Variants in UNC13C observed in about 807,000 individuals in gnomAD.
UNC13C encodes the protein protein unc-13 homolog C.
UNC13C carries 174 observed loss-of-function variants against 245.4 expected under a neutral mutation model. That is an observed-to-expected ratio of 0.71 (90% CI 0.63 to 0.80). The LOEUF is 0.80. UNC13C is among the 30% of genes least tolerant of loss of function. The probability of loss-of-function intolerance (pLI) is 0.00; values close to 1 mark genes in which losing one functional copy is unlikely to be tolerated. For missense variants in UNC13C, 2,829 were observed against 2,602.9 expected, an observed-to-expected ratio of 1.09 and a Z score of -1.89; for synonymous variants, 992 against 895.1, an observed-to-expected ratio of 1.11 and a Z score of -1.93.
chr15:53,964,695 A>G, the UNC13C span, among the ~76,000 whole-genome samples: 2 of 152,206 alleles, frequency 1.3e-5, no homozygotes, highest in East Asian at 3.9e-4. Context: ...CATGAAACAA[A>G]GACTATTAAA....
chr15:54,199,758 G>A (rs2034463502), intron 4 of UNC13C, among the ~76,000 whole-genome samples: 1 of 151,932 alleles, frequency 6.6e-6, no homozygotes, highest in South Asian at 2.1e-4. Flanking sequence ...AAATCTCACA[G>A]GACCTATATA....
intron 2 of UNC13C, among the ~76,000 whole-genome samples, chr15:54,125,235 A>G (rs2030957821): frequency 6.6e-6 from 1 of 152,248 alleles, no homozygotes; most frequent in African/African-American, 2.4e-5. Context: ...AGGCCATGGC[A>G]GGTGGATCGT....
the UNC13C span, among the ~76,000 whole-genome samples, chr15:53,961,925 C>A: frequency 6.6e-6 from 1 of 152,224 alleles, no homozygotes; most frequent in Non-Finnish European, 1.5e-5. Context: ...TCCTTCTCTA[C>A]TCTTCACTTA....
intron 2 of UNC13C, among the ~76,000 whole-genome samples, chr15:54,070,586 T>A (rs1173944448): frequency 6.6e-6 from 1 of 152,168 alleles, no homozygotes; most frequent in African/African-American, 2.4e-5. Flanking sequence ...TAGGTTTTTT[T>A]TAATCCTAAA....
chr15:54,103,409 T>C (rs1900267626), intron 2 of UNC13C, among the ~76,000 whole-genome samples: 1 of 152,244 alleles, frequency 6.6e-6, no homozygotes, highest in Non-Finnish European at 1.5e-5. Context: ...ACAGGATGAA[T>C]AATATTTCTT....
In UNC13C at chr15:54,013,725, C is replaced by T. The variant is rs776904764; in HGVS notation, c.822C>T (p.Ile274=). 14 of 1,612,578 alleles carry T rather than the reference C, an allele frequency of 8.7e-6. No individual in the cohort carries two copies. The Admixed American group carries it at 1.2e-4, about 13-fold the overall frequency. Residue 274 remains isoleucine, a synonymous_variant, in exon 2 of 33, where the codon ATC becomes ATT. Coordinates refer to ENST00000260323, the MANE Select transcript of UNC13C (RefSeq NM_001080534.3). The part of the protein sequence containing the change: ...RGHVNALKHS[I]DEISSSVEVV... ...ACGTCAATGCTCTCAAGCACTCCATCGATGAGATCTCCAGCAGTGTGGAGG... is the reference window on the plus strand; with the variant it reads ...ACGTCAATGCTCTCAAGCACTCCATTGATGAGATCTCCAGCAGTGTGGAGG...
chr15:54,096,842 A>G (rs1412894688), intron 2 of UNC13C, among the ~76,000 whole-genome samples: 1 of 152,178 alleles, frequency 6.6e-6, no homozygotes, highest in African/African-American at 2.4e-5. Flanking sequence ...CTCTATATGT[A>G]TGTATGTAAA....
chr15:54,631,902 A>G (rs1446784222), downstream of UNC13C: 1 of 152,344 alleles, frequency 6.6e-6, no homozygotes, highest in Admixed American at 6.5e-5. Context: ...TAACTTCATA[A>G]GGAACTTTCA....
chr15:54,187,789 T>G (rs988320089), intron 4 of UNC13C, among the ~76,000 whole-genome samples: 1 of 152,120 alleles, frequency 6.6e-6, no homozygotes, highest in African/African-American at 2.4e-5. Flanking sequence ...CTACCAGGAT[T>G]CACACTGTAT....
At chr15:54,214,304 T>C (rs533416787) in intron 4 of UNC13C, among the ~76,000 whole-genome samples, 7 of 152,038 alleles carry the variant, frequency 4.6e-5, no homozygotes, top group Non-Finnish European at 7.4e-5. Flanking sequence ...CGCTAGTCTT[T>C]AAAATGAGCA....
intron 19 of UNC13C, among the ~76,000 whole-genome samples, chr15:54,444,958 C>T (rs2140996142): frequency 8.4e-6 from 1 of 119,202 alleles, no homozygotes; most frequent in East Asian, 3.0e-4. Flanking sequence ...AATGCTATCC[C>T]TCCCCCCTCC....
the UNC13C span, among the ~76,000 whole-genome samples, chr15:53,861,076 T>A: frequency 8.7e-4 from 133 of 152,334 alleles, no homozygotes; most frequent in African/African-American, 2.9e-3. Context: ...TAGAATGACA[T>A]CATTCTGAAT....
At chr15:54,169,366 A>C (rs1357877547) in intron 4 of UNC13C, among the ~76,000 whole-genome samples, 1 of 152,118 alleles carries the variant, frequency 6.6e-6, no homozygotes, top group Non-Finnish European at 1.5e-5. Context: ...CCTCTTCCTA[A>C]ATATCGGATT....
intron 26 of UNC13C, among the ~76,000 whole-genome samples, chr15:54,539,303 T>C (rs1896133855): frequency 6.6e-6 from 1 of 151,936 alleles, no homozygotes; most frequent in Admixed American, 6.6e-5. Context: ...ATCTAGAAGA[T>C]AGGTATATAG....
At chr15:54,602,359 A>C (rs1899485709) in intron 30 of UNC13C, among the ~76,000 whole-genome samples, 1 of 152,212 alleles carries the variant, frequency 6.6e-6, no homozygotes, top group Non-Finnish European at 1.5e-5. Flanking sequence ...AGTGAGAACA[A>C]GAATAGGAAG....
chr15:54,332,058 A>G lies in UNC13C; in HGVS notation c.4441A>G (p.Lys1481Glu). Residue 1481 changes from lysine (K) to glutamate (E), a missense_variant, in exon 15 of 33, where the codon AAA becomes GAA. Transcript: ENST00000260323. Reference protein sequence around the residue: ...ATNFGREKFIKLLDQLHNSLR... With the variant: ...ATNFGREKFIELLDQLHNSLR... Reference sequence around the variant, plus strand: ...CTTTGTACAGAGGGAAAAATTCATAAAACTACTGGACCAGTTACATAACTC... The same window carrying G: ...CTTTGTACAGAGGGAAAAATTCATAGAACTACTGGACCAGTTACATAACTC... 6.3e-7 allele frequency: 1 copy of G among 1,581,266 alleles called. No individual in the cohort carries two copies. Among genetic ancestry groups the G allele is most frequent in the East Asian group, 2.3e-5 (1 of 43,962 alleles).
At chr15:54,147,254 C>T (rs2032303206) in intron 4 of UNC13C, among the ~76,000 whole-genome samples, 2 of 145,442 alleles carry the variant, frequency 1.4e-5, no homozygotes, top group African/African-American at 2.5e-5. Context: ...GAGTCTTGCT[C>T]TGTTGCCCAG....
the UNC13C span, among the ~76,000 whole-genome samples, chr15:53,920,453 C>A: frequency 1.3e-5 from 2 of 152,078 alleles, 1 homozygote; most frequent in South Asian, 4.1e-4. Flanking sequence ...ACTTGGCAGG[C>A]TGAGGCAGGA....
At chr15:53,848,958 G>C in the UNC13C span, among the ~76,000 whole-genome samples, 1 of 151,796 alleles carries the variant, frequency 6.6e-6, no homozygotes, top group Non-Finnish European at 1.5e-5. Flanking sequence ...ACAACACCAG[G>C]TTCCTTCTAT....
Sources: allele counts gnomAD v4.1 joint callset (sites outside exome capture counted in the v4.1 genomes callset), GRCh38; gene constraint gnomAD v4.1.1; transcripts MANE v1.5; gene names NCBI Gene and HGNC (gene_info 2026-07-23, HGNC 2026-07-21).